The following SH3RF3 variants were observed in gnomAD, a reference collection of about 807,000 sequenced individuals.
SH3RF3 encodes E3 ubiquitin-protein ligase SH3RF3.
Under a neutral mutation model 66.3 loss-of-function variants are expected in SH3RF3, and 29 were observed. That is an observed-to-expected ratio of 0.44 (90% CI 0.33 to 0.60). SH3RF3 has a LOEUF of 0.60. SH3RF3 is among the 20% of genes least tolerant of loss of function. The pLI is 0.04. For synonymous variants in SH3RF3, 583 were observed against 532.0 expected, an observed-to-expected ratio of 1.10 and a Z score of -1.32; for missense variants, 1,194 against 1,190.9, an observed-to-expected ratio of 1.00 and a Z score of -0.04.
chr2:109,435,610 G>C (rs1433882601), intron 6 of SH3RF3, among the ~76,000 whole-genome samples: 11 of 152,196 alleles, frequency 7.2e-5, no homozygotes, highest in Admixed American at 7.2e-4. Flanking sequence ...AAGGAAGTAG[G>C]ACTAGCCAAG....
chr2:109,330,302 TAAAGA>T (rs1434584222), intron 1 of SH3RF3, among the ~76,000 whole-genome samples: 1 of 152,142 alleles, frequency 6.6e-6, no homozygotes, highest in Non-Finnish European at 1.5e-5. Flanking sequence ...ATTGCGAAAC[TAAAGA>T]AAAGGGGCAA....
At chr2:109,285,379 A>G (rs1482364844) in intron 1 of SH3RF3, among the ~76,000 whole-genome samples, 3 of 152,216 alleles carry the variant, frequency 2.0e-5, no homozygotes, top group African/African-American at 2.4e-5. Flanking sequence ...TCCACGGCCA[A>G]CGCACAAAAC....
intron 3 of SH3RF3, among the ~76,000 whole-genome samples, chr2:109,374,976 G>T (rs911289340): frequency 6.6e-5 from 10 of 152,222 alleles, no homozygotes; most frequent in African/African-American, 2.4e-4. Flanking sequence ...GTGGCACAGT[G>T]AGCTGAAGGG....
rs866558014 is a variant in SH3RF3, at chr2:109,275,740, C to G, written c.574-71934C>G. The stretch of plus-strand genomic sequence containing the variant: ...GCTGTTTGCCGGGTACCCTTCCTCT[C>G]CCGGACAGCCGCACCTGCTTCCCTG... On this transcript the variant is annotated intron_variant, in intron 1 of 9. Transcript: ENST00000309415. 3.3e-5 allele frequency among the ~76,000 whole-genome samples: 5 copies of G among 152,306 alleles called. 2 individuals are homozygous for G. The Middle Eastern group carries it at 0.01, about 311-fold the overall frequency.
Position 109,420,468 on chromosome 2 carries a change from T to C in SH3RF3, c.1403+826T>C, listed in dbSNP as rs546938984. ...TTTTGTTTTGTTTTGTTTTTTGAGA[T>C]GGAGTCTTGCTCTGTCTCCCAGGCT... On this transcript the variant is annotated intron_variant, in intron 5 of 9. Coordinates refer to ENST00000309415, the MANE Select transcript of SH3RF3 (RefSeq NM_001099289.3). Among the ~76,000 whole-genome samples the C allele has an allele frequency of 3.9e-5, 6 of 152,298 alleles. No homozygotes were observed. In the South Asian group the frequency reaches 1.0e-3, roughly 26 times the overall value.
At chr2:109,415,566 A>G (rs918309816) in intron 4 of SH3RF3, among the ~76,000 whole-genome samples, 6 of 151,870 alleles carry the variant, frequency 4.0e-5, no homozygotes, top group African/African-American at 1.2e-4. Context: ...GCTCCCTCGC[A>G]CTTCCTGATG....
chr2:109,447,673 C>T (rs1217294309), intron 7 of SH3RF3, among the ~76,000 whole-genome samples: 3 of 152,186 alleles, frequency 2.0e-5, no homozygotes, highest in Non-Finnish European at 4.4e-5. Context: ...TGGGGCCGTT[C>T]ATTCTCTCCC....
Position 109,324,332 on chromosome 2 carries a change from A to G in SH3RF3, c.574-23342A>G, listed in dbSNP as rs115755697. On this transcript the variant is annotated intron_variant, in intron 1 of 9. Transcript: ENST00000309415. Reference sequence around the variant, plus strand: ...TCTAGGAGTAGGGGTACTGGGTCGCATGGTAACTCTCTTTAACCTTCTGAG... The same window carrying G: ...TCTAGGAGTAGGGGTACTGGGTCGCGTGGTAACTCTCTTTAACCTTCTGAG... Among the ~76,000 whole-genome samples, 629 of 152,244 alleles carry G rather than the reference A, an allele frequency of 4.1e-3. 4 individuals are homozygous for G. Among genetic ancestry groups the G allele is most frequent in the African/African-American group, 0.014 (567 of 41,540 alleles).
chr2:109,190,476 C>A (rs1279017866), intron 1 of SH3RF3, among the ~76,000 whole-genome samples: 3 of 152,226 alleles, frequency 2.0e-5, no homozygotes, highest in African/African-American at 7.2e-5. Context: ...GCCTGGTCGA[C>A]ATCCTATTTT....
intron 5 of SH3RF3, among the ~76,000 whole-genome samples, chr2:109,426,204 C>T (rs981476666): frequency 3.9e-5 from 6 of 152,176 alleles, no homozygotes; most frequent in Admixed American, 3.9e-4. Context: ...CCACTGCGCC[C>T]GGCCAAGCAG....
intron 1 of SH3RF3, among the ~76,000 whole-genome samples, chr2:109,314,939 A>G (rs1390334566): frequency 6.6e-6 from 1 of 152,170 alleles, no homozygotes; most frequent in African/African-American, 2.4e-5. Context: ...CCCCGTATGA[A>G]TCTCATTCTT....
chr2:109,482,294 A>T (rs1678855190), intron 8 of SH3RF3, among the ~76,000 whole-genome samples: 1 of 152,164 alleles, frequency 6.6e-6, no homozygotes, highest in Non-Finnish European at 1.5e-5. Flanking sequence ...AATAATTATC[A>T]TTATATTTAG....
In SH3RF3 at chr2:109,211,543, C is replaced by A. The variant is rs756641366; in HGVS notation, c.573+81430C>A. 2.6e-5 allele frequency among the ~76,000 whole-genome samples: 4 copies of A among 152,282 alleles called. 1 individual carries two copies. In the South Asian group the frequency reaches 6.2e-4, roughly 24 times the overall value. On this transcript the variant is annotated intron_variant, in intron 1 of 9. Transcript: ENST00000309415. ...TCCAGTAGGAGCGGATCAGCAAGCT[C>A]CGGGGCTGTCACAGAGCAGGCAGCT... is the stretch of plus-strand genomic sequence containing the variant.
intron 1 of SH3RF3, among the ~76,000 whole-genome samples, chr2:109,205,235 A>T (rs1046218930): frequency 6.6e-6 from 1 of 151,600 alleles, no homozygotes; most frequent in African/African-American, 2.4e-5. Flanking sequence ...AAAATAAGAT[A>T]AAAAAAATTA....
intron 8 of SH3RF3, among the ~76,000 whole-genome samples, chr2:109,477,640 GTGTT>G: frequency 7.2e-6 from 1 of 137,968 alleles, no homozygotes; most frequent in Admixed American, 7.4e-5. Flanking sequence ...GTGTGTGTGT[GTGTT>G]GGTGAGGGGT....
At chr2:109,285,253 TGTGAAGGGCAG>T (rs1681005276) in intron 1 of SH3RF3, among the ~76,000 whole-genome samples, 1 of 152,208 alleles carries the variant, frequency 6.6e-6, no homozygotes, top group Admixed American at 6.5e-5. Flanking sequence ...ATCCACTCAG[TGTGAAGGGCAG>T]GACAGCTTCC....
At chr2:109,441,132 C>CAAAAAAAAAAAAAAAAA (rs55649222) in intron 7 of SH3RF3, among the ~76,000 whole-genome samples, 56 of 134,006 alleles carry the variant, frequency 4.2e-4, no homozygotes, top group African/African-American at 1.6e-3. Flanking sequence ...TATAGGAATA[C>CAAAAAAAAAAAAAAAAA]AAAAAAAAAA....
At chr2:109,204,917 A>T (rs1373982993) in intron 1 of SH3RF3, among the ~76,000 whole-genome samples, 1 of 152,232 alleles carries the variant, frequency 6.6e-6, no homozygotes, top group African/African-American at 2.4e-5. Context: ...CTTTTAAAGT[A>T]GAGCAACTGG....
intron 4 of SH3RF3, among the ~76,000 whole-genome samples, chr2:109,412,188 G>A (rs929535695): frequency 1.3e-5 from 2 of 152,280 alleles, no homozygotes; most frequent in East Asian, 1.9e-4. Flanking sequence ...CGCACAGTGT[G>A]CACTCTCAGC....
Sources: allele counts gnomAD v4.1 joint callset (sites outside exome capture counted in the v4.1 genomes callset), GRCh38; gene constraint gnomAD v4.1.1; transcripts MANE v1.5; gene names NCBI Gene and HGNC (gene_info 2026-07-23, HGNC 2026-07-21).